Variants in ISM1 observed in about 807,000 individuals in gnomAD.
ISM1 encodes isthmin 1.
ISM1 carries 25 observed loss-of-function variants against 46.3 expected under a neutral mutation model. The ratio of observed to expected loss-of-function variants is 0.54; its 90% CI spans 0.39 to 0.75. The LOEUF (loss-of-function observed/expected upper bound fraction) is 0.75. ISM1 is among the 30% of genes least tolerant of loss of function. The pLI is 0.00. For missense variants in ISM1, 536 were observed against 625.4 expected (o/e 0.86, Z 1.52); for synonymous variants, 255 against 256.7 (o/e 0.99, Z 0.06).
chr20:13,235,137 A>G (rs1239799475), intron 1 of ISM1, among the ~76,000 whole-genome samples: 1 of 152,326 alleles, frequency 6.6e-6, no homozygotes, highest in African/African-American at 2.4e-5. Context: ...TCATGGGTCC[A>G]TGGGTCAGCT....
intron 1 of ISM1, chr20:13,245,120 T>A (rs183484904): frequency 8.1e-4 from 123 of 152,362 alleles, no homozygotes; most frequent in African/African-American, 2.9e-3. Context: ...TTCCTTCTTG[T>A]ATTGGTTATC....
chr20:13,301,779 C>A (rs1377055709), downstream of ISM1, among the ~76,000 whole-genome samples: 1 of 151,966 alleles, frequency 6.6e-6, no homozygotes, highest in South Asian at 2.1e-4. Context: ...GGTATTCAAG[C>A]AGAGGCTGGA....
intron 1 of ISM1, among the ~76,000 whole-genome samples, chr20:13,222,395 G>T (rs1047051414): frequency 2.0e-5 from 3 of 152,098 alleles, no homozygotes; most frequent in African/African-American, 7.2e-5. Context: ...CAAAGGTCAG[G>T]ACATAATTTC....
the ISM1 span, among the ~76,000 whole-genome samples, chr20:13,306,564 C>CAAAAAAAAAAAAAAAAAAAAAGAAA: frequency 3.1e-5 from 2 of 63,912 alleles, no homozygotes; most frequent in African/African-American, 7.2e-5. Context: ...GGAGAAAGGA[C>CAAAAAAAAAAAAAAAAAAAAAGAAA]AAAAAAAAAA....
intron 1 of ISM1, chr20:13,239,023 G>T (rs2039686064): frequency 6.6e-6 from 1 of 152,238 alleles, no homozygotes; most frequent in Non-Finnish European, 1.5e-5. Context: ...AGAGTGTGAA[G>T]TGTGATGGTG....
intron 1 of ISM1, among the ~76,000 whole-genome samples, chr20:13,251,846 G>A (rs2039871521): frequency 6.6e-6 from 1 of 152,086 alleles, no homozygotes; most frequent in Admixed American, 6.5e-5. Context: ...ACTTGGAGCC[G>A]AACTCTTAGT....
chr20:13,272,254 G>T (rs578197721), intron 2 of ISM1, among the ~76,000 whole-genome samples: 163 of 152,292 alleles, frequency 1.1e-3, no homozygotes, highest in African/African-American at 3.7e-3. Flanking sequence ...AACACCCTCT[G>T]CATGATACGG....
chr20:13,229,478 A>G (rs1426831971), intron 1 of ISM1, among the ~76,000 whole-genome samples: 1 of 152,100 alleles, frequency 6.6e-6, no homozygotes, highest in Admixed American at 6.6e-5. Context: ...TTTGAGATTC[A>G]TTTATTTTGT....
chr20:13,222,056 G>C (rs947970793), intron 1 of ISM1, 142 bp downstream of exon 1: 3 of 844,520 alleles, frequency 3.6e-6, no homozygotes, highest in African/African-American at 3.6e-5. Context: ...AGTTTTGCCC[G>C]GGCCACTTGA....
the ISM1 span, among the ~76,000 whole-genome samples, chr20:13,319,775 G>A: frequency 6.6e-6 from 1 of 152,180 alleles, no homozygotes; most frequent in African/African-American, 2.4e-5. Context: ...AGAGAGACGT[G>A]GGGACAGCCA....
chr20:13,232,172 T>C (rs1002717111), intron 1 of ISM1, among the ~76,000 whole-genome samples: 3 of 152,314 alleles, frequency 2.0e-5, no homozygotes, highest in Admixed American at 2.0e-4. Flanking sequence ...ACAGCTTTGT[T>C]GAAGTGCAAT....
intron 1 of ISM1, among the ~76,000 whole-genome samples, chr20:13,223,635 C>T (rs1157897452): frequency 6.6e-6 from 1 of 152,180 alleles, no homozygotes; most frequent in Non-Finnish European, 1.5e-5. Flanking sequence ...TGAGACATTT[C>T]TAAAAATGTC....
intron 2 of ISM1, among the ~76,000 whole-genome samples, chr20:13,274,169 G>A (rs1220944286): frequency 2.0e-5 from 3 of 152,120 alleles, no homozygotes; most frequent in Non-Finnish European, 2.9e-5. Flanking sequence ...GTGTAAACCA[G>A]TTCCCTGGTG....
the ISM1 span, among the ~76,000 whole-genome samples, chr20:13,309,417 G>A: frequency 2.0e-5 from 3 of 152,036 alleles, no homozygotes; most frequent in Non-Finnish European, 2.9e-5. Context: ...TAGAAGAAAT[G>A]CACCTCAACA....
In ISM1 at chr20:13,279,839, G is replaced by T. The variant is rs1297410997; in HGVS notation, c.584G>T (p.Gly195Val). The T allele has an allele frequency of 6.2e-7, 1 of 1,613,960 alleles. No individual in the cohort carries two copies. The highest frequency in any genetic ancestry group is 2.2e-5 in the East Asian group (1 of 44,870). ...DDSNFLNPPR[G>V]WDHTAPGHRT... The stretch of plus-strand genomic sequence containing the variant: ...AGCAACTTCCTCAACCCCCCCAGGG[G>T]GTGGGACCATACAGCCCCAGGCCAC... The change falls in exon 3 of 6, where the codon GGG (glycine) becomes GTG (valine). Residue 195 changes from glycine to valine, a missense_variant. Around this residue, in one of 2 missense-constraint regions of ISM1, gnomAD observed 367 missense variants for 376.1 expected, o/e 0.98. Transcript: ENST00000262487.
chr20:13,247,960 T>C (rs920441962), intron 1 of ISM1, among the ~76,000 whole-genome samples: 2 of 152,198 alleles, frequency 1.3e-5, no homozygotes, highest in African/African-American at 2.4e-5. Context: ...GTGGGTCTGA[T>C]ACAGAGGAAA....
At chr20:13,268,371 T>TTC in intron 1 of ISM1, among the ~76,000 whole-genome samples, 1 of 121,472 alleles carries the variant, frequency 8.2e-6, no homozygotes, top group African/African-American at 3.1e-5. Flanking sequence ...TCTCTCTCTC[T>TTC]CTCTCTCTCT....
At chr20:13,302,171 C>T (rs480623), downstream of ISM1, among the ~76,000 whole-genome samples, 51,760 of 151,978 alleles carry the variant, frequency 0.34, 9,910 homozygotes, top group Admixed American at 0.42. Context: ...TTTCTTACTA[C>T]GGTGAAAATG....
At chr20:13,264,178 T>A (rs2040019235) in intron 1 of ISM1, among the ~76,000 whole-genome samples, 1 of 152,194 alleles carries the variant, frequency 6.6e-6, no homozygotes. Context: ...CAGGGCCTGT[T>A]CTTTGCCTTT....
Sources: allele counts gnomAD v4.1 joint callset (sites outside exome capture counted in the v4.1 genomes callset), GRCh38; gene constraint gnomAD v4.1.1; regional missense constraint gnomAD v4.1.1; transcripts MANE v1.5; gene names NCBI Gene and HGNC (gene_info 2026-07-23, HGNC 2026-07-21).